Variants in LRRFIP2 observed in about 807,000 individuals in gnomAD.
LRRFIP2 encodes leucine-rich repeat flightless-interacting protein 2.
Under a neutral mutation model 125.9 loss-of-function variants are expected in LRRFIP2, and 109 were observed. The ratio of observed to expected loss-of-function variants is 0.87; its 90% CI spans 0.74 to 1.01. The LOEUF (loss-of-function observed/expected upper bound fraction) is 1.01. Among genes scored for constraint, LRRFIP2 ranks in the 50% least tolerant of loss-of-function variants. The pLI, the probability that LRRFIP2 is intolerant of heterozygous loss-of-function variation, is 0.00. For synonymous variants in LRRFIP2, 291 were observed against 293.1 expected (o/e 0.99, Z 0.07); for missense variants, 850 against 862.3 (o/e 0.99, Z 0.18).
intron 6 of LRRFIP2, among the ~76,000 whole-genome samples, chr3:37,117,989 T>C (rs763114669): frequency 3.9e-5 from 6 of 152,208 alleles, no homozygotes; most frequent in African/African-American, 1.2e-4. Flanking sequence ...ATTAAAATTA[T>C]ACCAAGGCTA....
chr3:37,101,702 A>G (rs1216720609), intron 15 of LRRFIP2, among the ~76,000 whole-genome samples: 3 of 151,440 alleles, frequency 2.0e-5, no homozygotes, highest in African/African-American at 7.3e-5. Context: ...AAGAAGAAAG[A>G]AAGAAAAATG....
chr3:37,161,723 C>T (rs1372121144), intron 1 of LRRFIP2, among the ~76,000 whole-genome samples: 1 of 147,920 alleles, frequency 6.8e-6, no homozygotes, highest in African/African-American at 2.5e-5. Flanking sequence ...CGAGTAGTAC[C>T]TCAATAAAAA....
At chr3:37,086,335 T>G (rs1330711196) in intron 18 of LRRFIP2, among the ~76,000 whole-genome samples, 1 of 152,220 alleles carries the variant, frequency 6.6e-6, no homozygotes, top group Non-Finnish European at 1.5e-5. Context: ...ATGTTAAATA[T>G]AGTGTTACCA....
rs142878327 is a variant in LRRFIP2 at position 37,107,162 on chromosome 3, A to G, written c.714+911T>C. Among the ~76,000 whole-genome samples the G allele has an allele frequency of 4.5e-3, 682 of 151,364 alleles. 4 individuals are homozygous for G. Among genetic ancestry groups the G allele is most frequent in the Middle Eastern group, 0.039 (11 of 284 alleles). Reference sequence around the variant, plus strand: ...CAGGTAATGTGCCCTCGGCCTCCCAAAGTGCTGGGATTACAGGCGTGAGCC... The same window carrying G: ...CAGGTAATGTGCCCTCGGCCTCCCAGAGTGCTGGGATTACAGGCGTGAGCC... On this transcript the variant is annotated intron_variant, in intron 13 of 27. Coordinates refer to ENST00000336686, the MANE Select transcript of LRRFIP2 (RefSeq NM_006309.4).
chr3:37,103,109 T>C, intron 14 of LRRFIP2, 96 bp from the exon 15 acceptor site: 2 of 785,656 alleles, frequency 2.5e-6, no homozygotes, highest in Non-Finnish European at 4.1e-6. Context: ...TTTTTTAAAA[T>C]TTTGATGGGT....
chr3:37,065,360 C>T, intron 23 of LRRFIP2: 1 of 306,002 alleles, frequency 3.3e-6, no homozygotes, highest in Non-Finnish European at 6.5e-6. Context: ...TTTTGGTCAT[C>T]TGTTTCTTGG....
At chr3:37,144,907 C>A (rs549555304) in intron 2 of LRRFIP2, among the ~76,000 whole-genome samples, 1 of 152,174 alleles carries the variant, frequency 6.6e-6, no homozygotes, top group South Asian at 2.1e-4. Context: ...GAAAGTAAAA[C>A]ATTCAAAGAA....
chr3:37,053,368 C>T lies in LRRFIP2; in HGVS notation c.*483G>A, dbSNP rs965074937. The T allele has an allele frequency of 1.3e-5, 2 of 152,646 alleles. No individual in the cohort carries two copies. The highest frequency in any genetic ancestry group is 4.8e-5 in the African/African-American group (2 of 41,416). The allele number at this position is 152,646 out of a possible 1,614,324, so 9.5% of individuals were successfully genotyped here. A position where few individuals can be genotyped will look rare whatever the true frequency, so the allele number is the denominator to read the frequency against. On this transcript the variant is annotated 3_prime_UTR_variant, in exon 28 of 28. Transcript: ENST00000336686. ...TTCCCCACCCGAGAACTTGTTTCTT[C>T]ACTAAAATATAAATGTTGTCTGATA...
At chr3:37,075,389 T>C (rs1488366473) in intron 19 of LRRFIP2, among the ~76,000 whole-genome samples, 1 of 152,174 alleles carries the variant, frequency 6.6e-6, no homozygotes, top group Non-Finnish European at 1.5e-5. Context: ...AAAATGAACA[T>C]ATACAATTCA....
chr3:37,062,731 G>A (rs2089132584), intron 24 of LRRFIP2, among the ~76,000 whole-genome samples: 1 of 152,116 alleles, frequency 6.6e-6, no homozygotes, highest in African/African-American at 2.4e-5. Context: ...TCTCTACCCA[G>A]CCAAACTATT....
At chr3:37,129,773 A>C (rs1559981154) in intron 2 of LRRFIP2, among the ~76,000 whole-genome samples, 1 of 152,212 alleles carries the variant, frequency 6.6e-6, no homozygotes, top group Non-Finnish European at 1.5e-5. Flanking sequence ...CAGGAGGATC[A>C]TATGAGGCCA....
chr3:37,064,966 C>G (rs1020792326), intron 23 of LRRFIP2: 2 of 152,354 alleles, frequency 1.3e-5, no homozygotes, highest in Non-Finnish European at 2.9e-5. Flanking sequence ...TCAAAGTGCC[C>G]TACAATCACA....
chr3:37,091,495 C>T lies in LRRFIP2; in HGVS notation c.1079G>A (p.Arg360Lys), dbSNP rs1159391809. 6.2e-7 allele frequency: 1 copy of T among 1,612,286 alleles called. No individual in the cohort carries two copies. The highest frequency in any genetic ancestry group is 1.3e-5 in the African/African-American group (1 of 74,844). ...TAGTTCTTTAAGCCCCTGCATGTATCTCCCTTCTACATCCTGTATCTGGTC... is the reference window on the plus strand; with the variant it reads ...TAGTTCTTTAAGCCCCTGCATGTATTTCCCTTCTACATCCTGTATCTGGTC... ...LKDQIQDVEGRYMQGLKELKE... is the reference protein window; with the variant it reads ...LKDQIQDVEGKYMQGLKELKE... Residue 360 changes from arginine to lysine, a missense_variant, in exon 18 of 28, where the codon AGA becomes AAA. Physicochemically the swap from Arg to Lys is conservative, Grantham distance 26. Transcript: ENST00000336686.
intron 6 of LRRFIP2, among the ~76,000 whole-genome samples, chr3:37,119,966 C>G (rs1462107973): frequency 6.6e-6 from 1 of 150,586 alleles, no homozygotes; most frequent in African/African-American, 2.4e-5. Context: ...CCGGCCTTTT[C>G]AAAATATTTA....
intron 19 of LRRFIP2, 103 bp downstream of exon 19, chr3:37,083,533 A>C: frequency 2.3e-6 from 2 of 851,294 alleles, no homozygotes; most frequent in Non-Finnish European, 3.5e-6. Context: ...TTCAGTTTTG[A>C]CTGAAACATC....
chr3:37,169,940 T>C (rs1488314822), intron 1 of LRRFIP2, among the ~76,000 whole-genome samples: 1 of 152,242 alleles, frequency 6.6e-6, no homozygotes, highest in Non-Finnish European at 1.5e-5. Flanking sequence ...CTGCTTTTTA[T>C]TTCTTTTCTT....
At chr3:37,152,192 C>A (rs2096052872) in intron 1 of LRRFIP2, among the ~76,000 whole-genome samples, 1 of 152,158 alleles carries the variant, frequency 6.6e-6, no homozygotes, top group South Asian at 2.1e-4. Context: ...GAGGCCATTA[C>A]TGTAAGTGAA....
chr3:37,094,945 C>A (rs1403822832), intron 16 of LRRFIP2, 37 bp from the exon 17 acceptor site: 3 of 1,304,158 alleles, frequency 2.3e-6, no homozygotes, highest in African/African-American at 1.5e-5. Context: ...AGTCTCATTT[C>A]TTTAAAAATA....
At chr3:37,154,892 T>C (rs1487054708) in intron 1 of LRRFIP2, among the ~76,000 whole-genome samples, 2 of 152,238 alleles carry the variant, frequency 1.3e-5, no homozygotes, top group Admixed American at 6.5e-5. Context: ...TTCTTTTATA[T>C]CTAAGTATTG....
Sources: allele counts gnomAD v4.1 joint callset (sites outside exome capture counted in the v4.1 genomes callset), GRCh38; gene constraint gnomAD v4.1.1; transcripts MANE v1.5; gene names NCBI Gene and HGNC (gene_info 2026-07-23, HGNC 2026-07-21).